Variants in DCBLD2 observed in about 807,000 individuals in gnomAD.
DCBLD2 encodes discoidin, CUB and LCCL domain containing 2.
In DCBLD2, 54 loss-of-function variants were observed where a neutral mutation model predicts 86.8. The observed-to-expected ratio is 0.62, with a 90% confidence interval of 0.50 to 0.78. The LOEUF (loss-of-function observed/expected upper bound fraction) is 0.78, where lower values mean the gene tolerates loss of function less well. Ranked by LOEUF, DCBLD2 falls within the 30% of genes least tolerant of loss-of-function variation. The pLI is 0.00. For missense variants in DCBLD2, 908 were observed against 954.2 expected (o/e 0.95, Z 0.64); for synonymous variants, 354 against 341.3 (o/e 1.04, Z -0.41).
chr3:98,812,403 ACT>A lies in DCBLD2; in HGVS notation c.1290_1291del (p.Arg430SerfsTer24), dbSNP rs1456148021. 3 of 1,613,398 alleles carry A rather than the reference ACT, an allele frequency of 1.9e-6. No individual in the cohort carries two copies. In the South Asian group the frequency reaches 3.3e-5, roughly 18 times the overall value. ...TTTCTGCTGCCATTGGGTAGGATTC[ACT>A]CTAATAAAACGTGCAATAATTGGTG... On this transcript the variant is annotated frameshift_variant, in exon 10 of 16. Transcript: ENST00000326840. LOFTEE classifies it high-confidence loss of function.
At chr3:98,890,400 C>T (rs1943637328) in intron 1 of DCBLD2, 1 of 152,088 alleles carries the variant, frequency 6.6e-6, no homozygotes, top group African/African-American at 2.4e-5. Flanking sequence ...ACCTTAGAGT[C>T]TTAGGAAAGA....
intron 2 of DCBLD2, among the ~76,000 whole-genome samples, chr3:98,874,106 G>T (rs185924284): frequency 6.6e-6 from 1 of 152,282 alleles, no homozygotes; most frequent in Admixed American, 6.5e-5. Context: ...CATTAAGGAA[G>T]CATCCTATCA....
At chr3:98,863,774 A>C (rs1170557571) in intron 2 of DCBLD2, among the ~76,000 whole-genome samples, 8 of 152,236 alleles carry the variant, frequency 5.3e-5, no homozygotes, top group African/African-American at 1.9e-4. Context: ...AAGAAAACCT[A>C]GGCAATACCA....
intron 2 of DCBLD2, among the ~76,000 whole-genome samples, chr3:98,857,964 G>A (rs1038512932): frequency 2.4e-4 from 36 of 152,358 alleles, no homozygotes; most frequent in African/African-American, 5.8e-4. Context: ...GTCCCGCGCC[G>A]TGCGCCCGCA....
rs77341305 is a variant in DCBLD2 at position 98,876,243 on chromosome 3, A to G, written c.433+5297T>C. On this transcript the variant is annotated intron_variant, in intron 2 of 15. Coordinates refer to ENST00000326840, the MANE Select transcript of DCBLD2 (RefSeq NM_080927.4). ...AACAAAGACCAATAAAACTTGACAGATGGGCAAATGGTGTGTGCCTGTCGT... is the reference window on the plus strand; with the variant it reads ...AACAAAGACCAATAAAACTTGACAGGTGGGCAAATGGTGTGTGCCTGTCGT... Among the ~76,000 whole-genome samples the G allele has an allele frequency of 3.2e-3, 487 of 151,768 alleles. 2 individuals carry two copies. The highest frequency in any genetic ancestry group is 0.011 in the African/African-American group (469 of 41,402).
intron 9 of DCBLD2, 104 bp from the exon 10 acceptor site, chr3:98,812,586 C>A: frequency 2.0e-6 from 2 of 986,106 alleles, no homozygotes; most frequent in Non-Finnish European, 1.4e-6. Context: ...CCTTAAATTA[C>A]ATCTGGAAAG....
At position 98,817,821 on chromosome 3, in the gene DCBLD2, T is replaced by A. The variant is rs1276699141; in HGVS notation, c.1160A>T (p.Asp387Val). The A allele has an allele frequency of 6.2e-7, 1 of 1,613,748 alleles. No homozygotes were observed. The highest frequency in any genetic ancestry group is 8.5e-7 in the Non-Finnish European group (1 of 1,179,716). ...GTACACAGTCCATTTCTGCCCATCATCACTGTACAGGATTCTGTAGGCAGA... is the reference window on the plus strand; with the variant it reads ...GTACACAGTCCATTTCTGCCCATCAACACTGTACAGGATTCTGTAGGCAGA... ...YVSAYRILYS[D>V]DGQKWTVYRE... Residue 387 changes from aspartate (D) to valine (V), a missense_variant, in exon 9 of 16, where the codon GAT becomes GTT. Asp to Val is a radical substitution (Grantham distance 152). Transcript: ENST00000326840.
chr3:98,853,469 T>C (rs1942876494), intron 2 of DCBLD2, among the ~76,000 whole-genome samples: 1 of 152,208 alleles, frequency 6.6e-6, no homozygotes, highest in Non-Finnish European at 1.5e-5. Context: ...TCAGCTATCA[T>C]TTATCATCAT....
At chr3:98,823,051 T>G (rs954443414) in intron 4 of DCBLD2, among the ~76,000 whole-genome samples, 43 of 152,240 alleles carry the variant, frequency 2.8e-4, no homozygotes, top group African/African-American at 9.9e-4. Flanking sequence ...TTTTGTATTT[T>G]TAGTAGAGAT....
chr3:98,873,845 T>A (rs373999928), intron 2 of DCBLD2, among the ~76,000 whole-genome samples: 1 of 152,054 alleles, frequency 6.6e-6, no homozygotes, highest in Admixed American at 6.5e-5. Flanking sequence ...CCTAGCTAAT[T>A]TAATGAAAAA....
At chr3:98,866,157 C>T (rs1223355873) in intron 2 of DCBLD2, among the ~76,000 whole-genome samples, 2 of 152,072 alleles carry the variant, frequency 1.3e-5, no homozygotes, top group South Asian at 2.1e-4. Context: ...GTGAATAGTG[C>T]CGCAATAAAC....
intron 3 of DCBLD2, among the ~76,000 whole-genome samples, chr3:98,828,984 C>T (rs745946782): frequency 7.2e-5 from 11 of 152,012 alleles, no homozygotes; most frequent in Admixed American, 2.6e-4. Flanking sequence ...AAAGTAGATT[C>T]GTGGTTTCCT....
Position 98,901,254 on chromosome 3 carries a change from G to GGGC in DCBLD2, c.70_72dup (p.Ala24dup). 1 of 1,531,744 alleles carries GGGC rather than the reference G, an allele frequency of 6.5e-7. No homozygotes were observed. The highest frequency in any genetic ancestry group is 8.7e-7 in the Non-Finnish European group (1 of 1,144,528). The allele number at this position is 1,531,744 out of a possible 1,614,324, so 94.9% of individuals were successfully genotyped here. A position where few individuals can be genotyped will look rare whatever the true frequency, so the allele number is the denominator to read the frequency against. On this transcript the variant is annotated inframe_insertion, in exon 1 of 16. Coordinates refer to ENST00000326840, the MANE Select transcript of DCBLD2 (RefSeq NM_080927.4). ...GAGAGGGGGAGCGCGGCCCAGGCGGGGGCGGCGGCCGCGGCCCGGACTTGG... is the reference window on the plus strand; with the variant it reads ...GAGAGGGGGAGCGCGGCCCAGGCGGGGGCGGCGGCGGCCGCGGCCCGGACTTGG...
chr3:98,858,859 G>A (rs879846896), intron 2 of DCBLD2, among the ~76,000 whole-genome samples: 11 of 152,156 alleles, frequency 7.2e-5, no homozygotes, highest in Non-Finnish European at 1.2e-4. Context: ...AACAGCTCCA[G>A]TCTATAGCTC....
At chr3:98,800,492 C>A in intron 15 of DCBLD2, 87 bp downstream of exon 15, 1 of 1,394,040 alleles carries the variant, frequency 7.2e-7, no homozygotes, top group South Asian at 1.6e-5. Flanking sequence ...TGAAAGGGAT[C>A]AAAGAACTGT....
rs778985271 is a variant in DCBLD2, at chr3:98,796,833, A to G, written c.*2539T>C. 2.0e-5 allele frequency: 3 copies of G among 152,640 alleles called. No individual in the cohort carries two copies. The highest frequency in any genetic ancestry group is 4.4e-5 in the Non-Finnish European group (3 of 68,046). 9.5% of individuals were successfully genotyped at this position (152,640 alleles called of 1,614,324 possible). A position where few individuals can be genotyped will look rare whatever the true frequency, so the allele number is the denominator to read the frequency against. On this transcript the variant is annotated 3_prime_UTR_variant, in exon 16 of 16. Coordinates refer to ENST00000326840, the MANE Select transcript of DCBLD2 (RefSeq NM_080927.4). Reference sequence around the variant, plus strand: ...TAATTTTATGAAACCTGTAATGGCCACATTTGTTGTGTCTCCGATGTATTT... The same window carrying G: ...TAATTTTATGAAACCTGTAATGGCCGCATTTGTTGTGTCTCCGATGTATTT...
intron 2 of DCBLD2, among the ~76,000 whole-genome samples, chr3:98,878,404 A>T (rs1431725302): frequency 6.6e-6 from 1 of 152,208 alleles, no homozygotes; most frequent in Non-Finnish European, 1.5e-5. Context: ...CATATACTTC[A>T]AATGTGAACA....
intron 2 of DCBLD2, among the ~76,000 whole-genome samples, chr3:98,854,868 A>C (rs2107490334): frequency 6.6e-6 from 1 of 152,330 alleles, no homozygotes; most frequent in African/African-American, 2.4e-5. Context: ...GGATGGATTG[A>C]GGATAATATT....
At chr3:98,852,392 G>A (rs891347278) in intron 2 of DCBLD2, among the ~76,000 whole-genome samples, 1 of 151,918 alleles carries the variant, frequency 6.6e-6, no homozygotes, top group Non-Finnish European at 1.5e-5. Context: ...GATTACAGGC[G>A]CACACCAACA....
Sources: gnomAD v4.1 joint callset for allele counts (sites outside exome capture counted in the v4.1 genomes callset) on GRCh38, gnomAD v4.1.1 for gene constraint, MANE v1.5 for transcripts, NCBI Gene and HGNC (gene_info 2026-07-23, HGNC 2026-07-21) for gene names.